PREPL: variants seen among roughly 807,000 people sequenced by gnomAD.
PREPL encodes the protein prolyl endopeptidase like, also known as prolyl endopeptidase-like.
PREPL carries 77 observed loss-of-function variants against 70.6 expected under a neutral mutation model. The ratio of observed to expected loss-of-function variants is 1.09; its 90% confidence interval spans 0.91 to 1.32. The LOEUF is 1.32. PREPL is among the 40% of genes most tolerant of loss of function. The pLI is 0.00. For missense variants in PREPL, 1,002 were observed against 778.2 expected (o/e 1.29, Z -3.42); for synonymous variants, 315 against 264.8 (o/e 1.19, Z -1.84).
rs780821343 is a variant in PREPL at position 44,320,537 on chromosome 2, G to C, written c.*819C>G. 1 of 1,613,932 alleles carries C rather than the reference G, an allele frequency of 6.2e-7. No individual in the cohort carries two copies. Among genetic ancestry groups the C allele is most frequent in the African/African-American group, 1.3e-5 (1 of 74,920 alleles). On this transcript the variant is annotated 3_prime_UTR_variant, in exon 14 of 14. Transcript: ENST00000409411. Reference sequence around the variant, plus strand: ...AGGGACTCATCTTTGAACACAACACGAAGAATCTCCTTCATCGCCAAACAG... The same window carrying C: ...AGGGACTCATCTTTGAACACAACACCAAGAATCTCCTTCATCGCCAAACAG...
intron 1 of PREPL, among the ~76,000 whole-genome samples, chr2:44,357,404 G>A (rs550117566): frequency 1.3e-5 from 2 of 152,290 alleles, no homozygotes; most frequent in East Asian, 3.9e-4. Context: ...AGCTGCCGGG[G>A]CATCTTTATA....
Position 44,318,249 on chromosome 2 carries a change from C to T in PREPL, c.*3107G>A, listed in dbSNP as rs1167788134. ...GGGATTACAGGTGCACGTCATTATG[C>T]CCGGGTAATTTCTGTATTTTTTAGT... On this transcript the variant is annotated 3_prime_UTR_variant, in exon 14 of 14. Coordinates refer to ENST00000409411, the MANE Select transcript of PREPL (RefSeq NM_001171613.2). The T allele has an allele frequency of 6.3e-6, 2 of 317,698 alleles. No homozygotes were observed. Among genetic ancestry groups the T allele is most frequent in the Non-Finnish European group, 1.3e-5 (2 of 159,922 alleles). The allele number at this position is 317,698 out of a possible 1,614,324, so 19.7% of individuals were successfully genotyped here.
chr2:44,333,016 C>T (rs1054695051), intron 7 of PREPL, among the ~76,000 whole-genome samples: 1 of 152,198 alleles, frequency 6.6e-6, no homozygotes, highest in African/African-American at 2.4e-5. Context: ...CCCACCGACA[C>T]TGCCAAGATC....
At chr2:44,326,453 C>G (rs1258818877) in intron 10 of PREPL, among the ~76,000 whole-genome samples, 1 of 148,748 alleles carries the variant, frequency 6.7e-6, no homozygotes, top group Non-Finnish European at 1.5e-5. Context: ...CCACTGCAGC[C>G]TCAACCTCTT....
At chr2:44,355,792 CAT>C (rs1210208765) in intron 1 of PREPL, among the ~76,000 whole-genome samples, 6 of 148,714 alleles carry the variant, frequency 4.0e-5, no homozygotes, top group South Asian at 2.1e-4. Flanking sequence ...CACACACACA[CAT>C]ATGAATATGA....
intron 1 of PREPL, among the ~76,000 whole-genome samples, chr2:44,351,274 C>T (rs1296569203): frequency 2.0e-5 from 3 of 152,052 alleles, no homozygotes; most frequent in African/African-American, 4.8e-5. Context: ...TCAATTCCTG[C>T]ACTAAGTACT....
At chr2:44,323,183 TGC>T in intron 11 of PREPL, 77 bp downstream of exon 11, 1 of 1,351,032 alleles carries the variant, frequency 7.4e-7, no homozygotes, top group Non-Finnish European at 1.0e-6. Flanking sequence ...CTCCTATTTT[TGC>T]TTCAGCTTGG....
upstream of PREPL, chr2:44,361,560 C>G (rs141289952): frequency 1.9e-4 from 30 of 156,116 alleles, no homozygotes; most frequent in Non-Finnish European, 3.4e-4. Flanking sequence ...GCACGCCAAT[C>G]TACGTAACCT....
In PREPL at chr2:44,329,088, C is replaced by T. The variant is rs1201197937; in HGVS notation, c.1111G>A (p.Val371Ile). Residue 371 changes from valine to isoleucine, a missense_variant, in exon 9 of 14, where the codon GTT becomes ATT. Physicochemically the swap from Val to Ile is conservative, Grantham distance 29. Coordinates refer to ENST00000409411, the MANE Select transcript of PREPL (RefSeq NM_001171613.2). Reference sequence around the variant, plus strand: ...TCCTCAGAGTCAGTTTTGTGGAAAACAGTCATTGGCACTAATTTTCCATCC... The same window carrying T: ...TCCTCAGAGTCAGTTTTGTGGAAAATAGTCATTGGCACTAATTTTCCATCC... ...SKDGKLVPMT[V>I]FHKTDSEDLQ... The T allele has an allele frequency of 8.1e-6, 13 of 1,603,896 alleles. No homozygotes were observed. The highest frequency in any genetic ancestry group is 2.2e-5 in the East Asian group (1 of 44,840).
At chr2:44,321,981 C>CT in intron 12 of PREPL, 81 bp from the exon 13 acceptor site, 1 of 1,368,004 alleles carries the variant, frequency 7.3e-7, no homozygotes, top group Non-Finnish European at 1.0e-6. Context: ...CTCCCCTCTT[C>CT]TTTGAGTACT....
At chr2:44,346,948 T>A (rs975114755) in intron 1 of PREPL, among the ~76,000 whole-genome samples, 1 of 152,324 alleles carries the variant, frequency 6.6e-6, no homozygotes, top group African/African-American at 2.4e-5. Flanking sequence ...TTAAATTTTT[T>A]AAATTTAAAT....
chr2:44,326,558 G>A (rs971715572), intron 10 of PREPL, among the ~76,000 whole-genome samples, 154 bp downstream of exon 10: 3 of 150,494 alleles, frequency 2.0e-5, no homozygotes, highest in Non-Finnish European at 4.4e-5. Context: ...GGCTGGTCTC[G>A]AGCTCCTGGT....
chr2:44,349,944 A>C (rs1676233921), intron 1 of PREPL, among the ~76,000 whole-genome samples: 1 of 152,198 alleles, frequency 6.6e-6, no homozygotes, highest in African/African-American at 2.4e-5. Context: ...AAGAAATTAA[A>C]TTGCTAACTA....
chr2:44,328,438 C>CAA (rs1194898905), intron 9 of PREPL, among the ~76,000 whole-genome samples: 29,716 of 61,320 alleles, frequency 0.48, 6,943 homozygotes, highest in South Asian at 0.56. Context: ...CTGTCTCAAA[C>CAA]AAAAAAAAAA....
intron 8 of PREPL, 74 bp from the exon 9 acceptor site, chr2:44,329,186 A>AT (rs1673839776): frequency 3.1e-6 from 4 of 1,278,290 alleles, no homozygotes; most frequent in Non-Finnish European, 4.4e-6. Flanking sequence ...TTTAAAATAC[A>AT]TTGAGGTGCA....
rs750569575 is a variant in PREPL at position 44,344,532 on chromosome 2, T to G, written c.130A>C (p.Lys44Gln). ...YQEGCCLVRSKDEEADNDNYE... is the reference protein window; with the variant it reads ...YQEGCCLVRSQDEEADNDNYE... ...AATTGTGGTGTACCTTCTTCATCTTTGGAACGAACCAAGCAACAACCTTCT... is the reference window on the plus strand; with the variant it reads ...AATTGTGGTGTACCTTCTTCATCTTGGGAACGAACCAAGCAACAACCTTCT... The change falls in exon 3 of 14, where the codon AAA (lysine) becomes CAA (glutamine). Residue 44 changes from lysine to glutamine, a missense_variant. Lys to Gln is a moderately conservative substitution (Grantham distance 53). Coordinates refer to ENST00000409411, the MANE Select transcript of PREPL (RefSeq NM_001171613.2). The G allele has an allele frequency of 6.3e-7, 1 of 1,598,004 alleles. No individual in the cohort carries two copies. Among genetic ancestry groups the G allele is most frequent in the Non-Finnish European group, 8.5e-7 (1 of 1,172,942 alleles).
chr2:44,352,751 CAT>C (rs1676584898), intron 1 of PREPL, among the ~76,000 whole-genome samples: 1 of 151,404 alleles, frequency 6.6e-6, no homozygotes, highest in South Asian at 2.1e-4. Flanking sequence ...ATGAAAAAAA[CAT>C]ATTTAACAAA....
At position 44,320,665 on chromosome 2, in the gene PREPL, C is replaced by A. The variant is rs750087384; in HGVS notation, c.*691G>T. ...GCACCTTTATGAAGAGATGAAGACACTGGCATTTCAGTGGGATTGTAAGCA... is the reference window on the plus strand; with the variant it reads ...GCACCTTTATGAAGAGATGAAGACAATGGCATTTCAGTGGGATTGTAAGCA... On this transcript the variant is annotated 3_prime_UTR_variant, in exon 14 of 14. Transcript: ENST00000409411. 17 of 1,571,638 alleles carry A rather than the reference C, an allele frequency of 1.1e-5. No individual in the cohort carries two copies. The Admixed American group carries it at 2.8e-4, about 26-fold the overall frequency.
In PREPL at chr2:44,339,513, A is replaced by G. The variant is rs1674989610; in HGVS notation, c.486-150T>C. 20 of 1,222,940 alleles carry G rather than the reference A, an allele frequency of 1.6e-5. 1 individual carries two copies. The highest frequency in any genetic ancestry group is 2.6e-5 in the East Asian group (1 of 38,772). 75.8% of individuals were successfully genotyped at this position (1,222,940 alleles called of 1,614,324 possible). ...AATTCCTTAGTGAATATCACTTGTA[A>G]CTTTAACAATTAGCTATTATTTTTC... On this transcript the variant is annotated intron_variant, in intron 5 of 13. Coordinates refer to ENST00000409411, the MANE Select transcript of PREPL (RefSeq NM_001171613.2).
Sources: gnomAD v4.1 joint callset for allele counts (sites outside exome capture counted in the v4.1 genomes callset) on GRCh38, gnomAD v4.1.1 for gene constraint, MANE v1.5 for transcripts, NCBI Gene and HGNC (gene_info 2026-07-23, HGNC 2026-07-21) for gene names.